The following YTHDF2 variants were observed in gnomAD, a reference collection of about 807,000 sequenced individuals.
YTHDF2 encodes the protein YTH N6-methyladenosine RNA binding protein F2.
Under a neutral mutation model 50.4 loss-of-function variants are expected in YTHDF2, and 2 were observed. The observed-to-expected ratio is 0.04, with a 90% CI of 0.02 to 0.12. The LOEUF is 0.12. YTHDF2 is among the 10% of genes least tolerant of loss of function. The probability of loss-of-function intolerance (pLI) is 1.00; values close to 1 mark genes in which losing one functional copy is unlikely to be tolerated. For synonymous variants in YTHDF2, 217 were observed against 255.6 expected (o/e 0.85, Z 1.44); for missense variants, 483 against 722.6 (o/e 0.67, Z 3.80).
At chr1:28,756,898 A>G (rs1410961768) in intron 4 of YTHDF2, among the ~76,000 whole-genome samples, 2 of 152,230 alleles carry the variant, frequency 1.3e-5, no homozygotes, top group Admixed American at 1.3e-4. Context: ...TCTTTGAATT[A>G]GGGCAAACGT....
intron 4 of YTHDF2, among the ~76,000 whole-genome samples, chr1:28,750,446 T>C (rs1349689854): frequency 6.6e-6 from 1 of 152,158 alleles, no homozygotes; most frequent in Non-Finnish European, 1.5e-5. Flanking sequence ...TTATAGAAAC[T>C]AAACTAGGGA....
chr1:28,750,634 A>G (rs1173708075), intron 4 of YTHDF2, among the ~76,000 whole-genome samples: 1 of 152,218 alleles, frequency 6.6e-6, no homozygotes, highest in Non-Finnish European at 1.5e-5. Context: ...TACACGTAAA[A>G]TAAGTAAGAA....
At chr1:28,736,909 A>C (rs1302451823), upstream of YTHDF2, 5 of 565,690 alleles carry the variant, frequency 8.8e-6, no homozygotes, top group Non-Finnish European at 1.5e-5. Flanking sequence ...CGCGCGTAAA[A>C]GCATAGAGAC....
chr1:28,736,978 G>A lies in YTHDF2; in HGVS notation c.-143G>A. ...GTCGGAGCCGGAGCCTGAGCCGCGC[G>A]CTGTGTCTCCGCTGCGTCCGCCGAG... On this transcript the variant is annotated 5_prime_UTR_variant, in exon 1 of 5. Transcript: ENST00000373812. 9.7e-7 allele frequency: 1 copy of A among 1,026,560 alleles called. No individual in the cohort carries two copies. Among genetic ancestry groups the A allele is most frequent in the Non-Finnish European group, 1.4e-6 (1 of 709,572 alleles). 63.6% of individuals were successfully genotyped at this position (1,026,560 alleles called of 1,614,324 possible).
Position 28,760,019 on chromosome 1 carries a change from T to C in YTHDF2, c.1717-8910T>C, listed in dbSNP as rs2088091047. Among the ~76,000 whole-genome samples, 5 of 149,292 alleles carry C rather than the reference T, an allele frequency of 3.3e-5. No homozygotes were observed. The South Asian group carries it at 8.5e-4, about 25-fold the overall frequency. On this transcript the variant is annotated intron_variant, in intron 4 of 4. Coordinates refer to ENST00000373812, the MANE Select transcript of YTHDF2 (RefSeq NM_016258.3). Reference sequence around the variant, plus strand: ...TTTTTAAAAACTATGGCAAACACATTAGCCTAGACCTACACAGGCTCAGGA... The same window carrying C: ...TTTTTAAAAACTATGGCAAACACATCAGCCTAGACCTACACAGGCTCAGGA...
chr1:28,736,931 T>C (rs1050612653), upstream of YTHDF2: 6 of 640,508 alleles, frequency 9.4e-6, no homozygotes, highest in East Asian at 9.5e-5. Context: ...GGCATTGAGC[T>C]CTTGGGCTAG....
Position 28,763,424 on chromosome 1 carries a change from A to G in YTHDF2, c.1717-5505A>G, listed in dbSNP as rs185322692. On this transcript the variant is annotated intron_variant, in intron 4 of 4. Coordinates refer to ENST00000373812, the MANE Select transcript of YTHDF2 (RefSeq NM_016258.3). ...GAGTAGCTGGGATTATAGGTGCCTG[A>G]CACCAGGGCTGGCTAGTTTTTTATT... Among the ~76,000 whole-genome samples the G allele has an allele frequency of 9.9e-5, 15 of 151,802 alleles. No individual in the cohort carries two copies. In the East Asian group the frequency reaches 2.9e-3, roughly 29 times the overall value.
intron 4 of YTHDF2, among the ~76,000 whole-genome samples, chr1:28,762,601 A>C (rs993972406): frequency 5.7e-4 from 87 of 152,188 alleles, no homozygotes; most frequent in African/African-American, 2.0e-3. Context: ...GTGAATATGA[A>C]TATGCCTCAG....
chr1:28,741,981 A>G (rs1487285661), intron 3 of YTHDF2, among the ~76,000 whole-genome samples: 1 of 152,036 alleles, frequency 6.6e-6, no homozygotes, highest in Non-Finnish European at 1.5e-5. Context: ...CAGTTATTAC[A>G]CCAAAATTTC....
At chr1:28,754,075 T>G (rs925490890) in intron 4 of YTHDF2, among the ~76,000 whole-genome samples, 47 of 152,186 alleles carry the variant, frequency 3.1e-4, no homozygotes, top group African/African-American at 1.1e-3. Context: ...GGAATAACAG[T>G]TTGGAGGATG....
At position 28,747,709 on chromosome 1, in the gene YTHDF2, C is replaced by T. The variant is rs959119052; in HGVS notation, c.1716+3723C>T. ...CTGGGATTACAGGCGTGAGCCACCA[C>T]GCCCAGCCCATAAAGACTCTTGATA... On this transcript the variant is annotated intron_variant, in intron 4 of 4. Coordinates refer to ENST00000373812, the MANE Select transcript of YTHDF2 (RefSeq NM_016258.3). Among the ~76,000 whole-genome samples the T allele has an allele frequency of 8.6e-5, 13 of 151,048 alleles. No individual in the cohort carries two copies. In the East Asian group the frequency reaches 2.7e-3, roughly 31 times the overall value.
chr1:28,748,107 G>A (rs565189244), intron 4 of YTHDF2, among the ~76,000 whole-genome samples: 63 of 149,284 alleles, frequency 4.2e-4, no homozygotes, highest in Middle Eastern at 3.5e-3. Context: ...CAGCCTGGGC[G>A]ACAGAGCGAG....
intron 4 of YTHDF2, among the ~76,000 whole-genome samples, chr1:28,759,984 T>G (rs2088090501): frequency 6.6e-6 from 1 of 151,994 alleles, no homozygotes; most frequent in Non-Finnish European, 1.5e-5. Context: ...AAACTTACAT[T>G]TTTAACATCT....
Position 28,737,009 on chromosome 1 carries a change from C to A in YTHDF2, c.-112C>A. Reference sequence around the variant, plus strand: ...TCTCCGCTGCGTCCGCCGAGGCCCCCGAGTGTCAGGGACAAAAGCCTCCGC... The same window carrying A: ...TCTCCGCTGCGTCCGCCGAGGCCCCAGAGTGTCAGGGACAAAAGCCTCCGC... On this transcript the variant is annotated 5_prime_UTR_variant, in exon 1 of 5. Coordinates refer to ENST00000373812, the MANE Select transcript of YTHDF2 (RefSeq NM_016258.3). The A allele has an allele frequency of 3.6e-6, 5 of 1,374,434 alleles. No individual in the cohort carries two copies. The highest frequency in any genetic ancestry group is 5.0e-6 in the Non-Finnish European group (5 of 1,006,624). The allele number at this position is 1,374,434 out of a possible 1,614,324, so 85.1% of individuals were successfully genotyped here.
chr1:28,748,937 A>G (rs186099795), intron 4 of YTHDF2, among the ~76,000 whole-genome samples: 6 of 152,284 alleles, frequency 3.9e-5, no homozygotes, highest in East Asian at 1.9e-4. Context: ...ATCCTTTTGT[A>G]TAAATATTTA....
chr1:28,750,446 T>G (rs1349689854), intron 4 of YTHDF2, among the ~76,000 whole-genome samples: 2 of 152,158 alleles, frequency 1.3e-5, no homozygotes, highest in Non-Finnish European at 1.5e-5. Flanking sequence ...TTATAGAAAC[T>G]AAACTAGGGA....
chr1:28,739,892 A>G (rs926751829), intron 3 of YTHDF2, among the ~76,000 whole-genome samples: 3 of 152,224 alleles, frequency 2.0e-5, no homozygotes, highest in Non-Finnish European at 2.9e-5. Flanking sequence ...TTAACTCCCC[A>G]GATTAATAGG....
rs527413103 is a variant in YTHDF2, at chr1:28,739,206, T to C, written c.132+868T>C. 14 of 152,160 alleles carry C rather than the reference T, an allele frequency of 9.2e-5. 1 individual carries two copies. Among genetic ancestry groups the C allele is most frequent in the African/African-American group, 3.4e-4 (14 of 41,446 alleles). 9.4% of individuals were successfully genotyped at this position (152,160 alleles called of 1,614,324 possible). A position where few individuals can be genotyped will look rare whatever the true frequency, so the allele number is the denominator to read the frequency against. On this transcript the variant is annotated intron_variant, in intron 3 of 4. Coordinates refer to ENST00000373812, the MANE Select transcript of YTHDF2 (RefSeq NM_016258.3). ...TGGTGACAGAACAAGATCTGGTCTC[T>C]AAAAAATAGTCACCTGAACTTCATT...
chr1:28,737,297 G>A (rs910222027), intron 1 of YTHDF2, 150 bp downstream of exon 1: 4 of 1,029,160 alleles, frequency 3.9e-6, no homozygotes, highest in Admixed American at 3.4e-5. Context: ...GGCCGCGCCC[G>A]GCGCCTCTCC....
Sources: gnomAD v4.1 joint callset for allele counts (sites outside exome capture counted in the v4.1 genomes callset) on GRCh38, gnomAD v4.1.1 for gene constraint, MANE v1.5 for transcripts, NCBI Gene and HGNC (gene_info 2026-07-23, HGNC 2026-07-21) for gene names.